Variants in WDR72 observed in about 807,000 individuals in gnomAD.
WDR72 encodes the protein WD repeat-containing protein 72.
In WDR72, 120 loss-of-function variants were observed where a neutral mutation model predicts 124.2. The observed-to-expected ratio is 0.97, with a 90% confidence interval of 0.83 to 1.12. The LOEUF (loss-of-function observed/expected upper bound fraction) is 1.12. Among genes scored for constraint, WDR72 ranks in the 50% most tolerant of loss-of-function variants. WDR72 has a pLI of 0.00. For missense variants in WDR72, 1,387 were observed against 1,278.8 expected, an observed-to-expected ratio of 1.08 and a Z score of -1.29; for synonymous variants, 452 against 441.7, an observed-to-expected ratio of 1.02 and a Z score of -0.29.
chr15:53,715,052 G>T, intron 5 of WDR72, 141 bp downstream of exon 5: 2 of 917,014 alleles, frequency 2.2e-6, no homozygotes, highest in Non-Finnish European at 3.3e-6. Flanking sequence ...TTGATCAGGT[G>T]TATTACAGAC....
At chr15:53,603,031 C>CA (rs1265383685) in intron 17 of WDR72, among the ~76,000 whole-genome samples, 3 of 151,756 alleles carry the variant, frequency 2.0e-5, no homozygotes, top group African/African-American at 7.3e-5. Flanking sequence ...AGAAATATGA[C>CA]AAAAAAAGAA....
chr15:53,547,664 ATCTGGAACAAAAGGATTTCATCCACTTGT>A (rs1234243323), intron 18 of WDR72, among the ~76,000 whole-genome samples: 1 of 152,170 alleles, frequency 6.6e-6, no homozygotes, highest in Non-Finnish European at 1.5e-5. Flanking sequence ...TGGTTGCCAC[ATCTGGAACAAAAGGATTTCATCCACTTGT>A]TCTGCCTTTG....
chr15:53,645,982 A>G (rs78709093), intron 14 of WDR72, among the ~76,000 whole-genome samples: 2,009 of 152,292 alleles, frequency 0.013, 35 homozygotes, highest in East Asian at 0.07. Flanking sequence ...GCATGAGCCA[A>G]AACTGTCCCA....
chr15:53,616,089 G>A lies in WDR72; in HGVS notation c.2117C>T (p.Ser706Leu). 1 of 1,605,746 alleles carries A rather than the reference G, an allele frequency of 6.2e-7. No individual in the cohort carries two copies. Among genetic ancestry groups the A allele is most frequent in the Non-Finnish European group, 8.5e-7 (1 of 1,175,064 alleles). ...TPLSDVDSSSSFYGGEVLRRA... is the reference protein window; with the variant it reads ...TPLSDVDSSSLFYGGEVLRRA... Reference sequence around the variant, plus strand: ...TCTCAGGACCTCACCACCATAGAATGAACTGGAAGAGTCAACATCACTGAG... The same window carrying A: ...TCTCAGGACCTCACCACCATAGAATAAACTGGAAGAGTCAACATCACTGAG... Residue 706 changes from serine to leucine, a missense_variant, in exon 15 of 20, where the codon TCA (serine) becomes TTA (leucine). Transcript: ENST00000360509.
intron 13 of WDR72, among the ~76,000 whole-genome samples, chr15:53,698,261 G>A (rs1027073470): frequency 4.6e-5 from 7 of 152,150 alleles, no homozygotes; most frequent in African/African-American, 1.4e-4. Flanking sequence ...ATAAACACTC[G>A]TGAGTGCCCA....
intron 13 of WDR72, among the ~76,000 whole-genome samples, chr15:53,673,210 C>T (rs1006929968): frequency 2.0e-5 from 3 of 152,110 alleles, no homozygotes; most frequent in Admixed American, 6.6e-5. Flanking sequence ...GTATCCTAGC[C>T]TAATATCAAT....
At chr15:53,650,799 A>C (rs2015208855) in intron 14 of WDR72, among the ~76,000 whole-genome samples, 1 of 152,156 alleles carries the variant, frequency 6.6e-6, no homozygotes, top group Non-Finnish European at 1.5e-5. Context: ...CAAACAACAA[A>C]ACAAAACAAA....
chr15:53,549,328 C>A (rs1893627999), intron 18 of WDR72, among the ~76,000 whole-genome samples: 1 of 152,096 alleles, frequency 6.6e-6, no homozygotes, highest in African/African-American at 2.4e-5. Flanking sequence ...GACACTGGAC[C>A]ATTTTGTTTC....
intron 18 of WDR72, among the ~76,000 whole-genome samples, chr15:53,568,362 T>C (rs975634097): frequency 6.6e-6 from 1 of 151,816 alleles, no homozygotes; most frequent in Admixed American, 6.6e-5. Flanking sequence ...ATAGGGATTT[T>C]CTAACCAATC....
chr15:53,640,207 C>T (rs1017527848), intron 14 of WDR72, among the ~76,000 whole-genome samples: 4 of 152,156 alleles, frequency 2.6e-5, no homozygotes, highest in Admixed American at 6.5e-5. Flanking sequence ...AAGAAACTGT[C>T]GCCTAAGTGA....
rs549788070 is a variant in WDR72 at position 53,758,678 on chromosome 15, G to C, written c.-13+955C>G. 1.2e-4 allele frequency among the ~76,000 whole-genome samples: 18 copies of C among 148,134 alleles called. No homozygotes were observed. In the East Asian group the frequency reaches 3.5e-3, roughly 29 times the overall value. ...GGTGTTTTGGCAGTGACAATGGGAA[G>C]GGGTGGAGGAAAACACTTCAGGTAA... On this transcript the variant is annotated intron_variant, in intron 1 of 19. Coordinates refer to ENST00000360509, the MANE Select transcript of WDR72 (RefSeq NM_182758.4).
At position 53,756,097 on chromosome 15, in the gene WDR72, C is replaced by G. The variant is rs1035082123; in HGVS notation, c.-13+3536G>C. On this transcript the variant is annotated intron_variant, in intron 1 of 19. Coordinates refer to ENST00000360509, the MANE Select transcript of WDR72 (RefSeq NM_182758.4). ...AGCTTTCTGGGCTAATATGGTTTGG[C>G]TTCATCCCCACCCAAATCTCATCTT... Among the ~76,000 whole-genome samples the G allele has an allele frequency of 2.0e-5, 3 of 152,184 alleles. No homozygotes were observed. In the South Asian group the frequency reaches 6.2e-4, roughly 32 times the overall value.
intron 14 of WDR72, among the ~76,000 whole-genome samples, chr15:53,626,456 T>A (rs779002616): frequency 1.2e-3 from 190 of 152,264 alleles, no homozygotes; most frequent in Middle Eastern, 3.4e-3. Flanking sequence ...GCGGCAGGTC[T>A]GCGAGGCGGC....
At chr15:53,664,732 T>C (rs2015719046) in intron 14 of WDR72, among the ~76,000 whole-genome samples, 1 of 152,156 alleles carries the variant, frequency 6.6e-6, no homozygotes, top group Admixed American at 6.6e-5. Context: ...CATAGATGTG[T>C]TATTTTTAAA....
At position 53,676,592 on chromosome 15, in the gene WDR72, T is replaced by C. The variant is rs182002128; in HGVS notation, c.1766-10824A>G. ...CCAGCAAGGCCCTCAGACCTACAAG[T>C]GAAAAGAACTAAATTCTGCCAAGGA... On this transcript the variant is annotated intron_variant, in intron 13 of 19. Coordinates refer to ENST00000360509, the MANE Select transcript of WDR72 (RefSeq NM_182758.4). 1.4e-4 allele frequency among the ~76,000 whole-genome samples: 22 copies of C among 152,224 alleles called. No individual in the cohort carries two copies. The East Asian group carries it at 4.3e-3, about 29-fold the overall frequency.
intron 19 of WDR72, 95 bp from the exon 20 acceptor site, chr15:53,517,849 G>C: frequency 8.8e-7 from 1 of 1,142,492 alleles, no homozygotes; most frequent in Non-Finnish European, 1.3e-6. Context: ...AGGAAATGAA[G>C]AATAGATACA....
At position 53,714,432 on chromosome 15, in the gene WDR72, A is replaced by G. The variant is rs1263565961; in HGVS notation, c.591+2T>C. ...AAAAAAGAGTAGGGTTCCCAAGCCA[A>G]CCTGAATGCTGTTGATAGATGAGGA... On this transcript the variant is annotated splice_donor_variant, in intron 6 of 19. Transcript: ENST00000360509. LOFTEE classifies it high-confidence loss of function. 1 of 1,613,548 alleles carries G rather than the reference A, an allele frequency of 6.2e-7. No homozygotes were observed. The highest frequency in any genetic ancestry group is 2.2e-5 in the East Asian group (1 of 44,844).
intron 2 of WDR72, among the ~76,000 whole-genome samples, chr15:53,726,254 A>ATG (rs1410561966): frequency 2.5e-5 from 2 of 81,608 alleles, no homozygotes; most frequent in African/African-American, 4.6e-5. Context: ...GTATATATAT[A>ATG]TGTATGTGTG....
At chr15:53,598,952 C>T (rs561721474) in intron 17 of WDR72, among the ~76,000 whole-genome samples, 2 of 152,038 alleles carry the variant, frequency 1.3e-5, no homozygotes, top group East Asian at 3.9e-4. Context: ...GGTGAAACCC[C>T]GTCTGTACAA....
Sources: allele counts gnomAD v4.1 joint callset (sites outside exome capture counted in the v4.1 genomes callset), GRCh38; gene constraint gnomAD v4.1.1; transcripts MANE v1.5; gene names NCBI Gene and HGNC (gene_info 2026-07-23, HGNC 2026-07-21).